The following MYCBP2 variants were observed in gnomAD, a reference collection of about 807,000 sequenced individuals.
MYCBP2 encodes the protein E3 ubiquitin-protein ligase MYCBP2.
A neutral mutation model predicts 525.3 loss-of-function variants in MYCBP2; 120 were observed. The observed-to-expected ratio is 0.23, with a 90% CI of 0.20 to 0.27. MYCBP2 has a LOEUF of 0.27. Among genes scored for constraint, MYCBP2 ranks in the 10% least tolerant of loss-of-function variants. The pLI is 1.00. For missense variants in MYCBP2, 4,149 were observed against 5,657.1 expected (o/e 0.73, Z 8.55); for synonymous variants, 1,894 against 1,955.8 (o/e 0.97, Z 0.83).
At chr13:77,057,569 ATGT>A (rs937054891) in intron 78 of MYCBP2, among the ~76,000 whole-genome samples, 20 of 152,174 alleles carry the variant, frequency 1.3e-4, no homozygotes, top group African/African-American at 4.6e-4. Context: ...CAATTATATA[ATGT>A]TGTAAAAATA....
At chr13:77,293,243 G>A (rs2077687737) in intron 2 of MYCBP2, among the ~76,000 whole-genome samples, 1 of 152,154 alleles carries the variant, frequency 6.6e-6, no homozygotes, top group South Asian at 2.1e-4. Context: ...GAGGTTTGAG[G>A]AGCATGGCAA....
chr13:77,058,544 T>G lies in MYCBP2; in HGVS notation c.13141-138A>C. The stretch of plus-strand genomic sequence containing the variant: ...CAGGCCAAGTAACAACAAAGTAAAG[T>G]TATTTCTAATCTTTGTTTGAATATA... On this transcript the variant is annotated intron_variant, in intron 77 of 82. Transcript: ENST00000544440. This position sits in a 1 kb window ranked among gnomAD's most constrained non-coding sequence, Gnocchi z 4.1. 1 of 638,136 alleles carries G rather than the reference T, an allele frequency of 1.6e-6. No individual in the cohort carries two copies. The highest frequency in any genetic ancestry group is 4.7e-4 in the Middle Eastern group (1 of 2,140). 39.5% of individuals were successfully genotyped at this position (638,136 alleles called of 1,614,324 possible).
chr13:77,128,762 ATTATT>A (rs2052174501), intron 52 of MYCBP2, among the ~76,000 whole-genome samples: 1 of 151,930 alleles, frequency 6.6e-6, no homozygotes, highest in Non-Finnish European at 1.5e-5. Context: ...TTTCAATATT[ATTATT>A]TTCTCCCTCC....
chr13:77,191,834 C>T, intron 27 of MYCBP2, 21 bp from the exon 28 acceptor site: 1 of 1,609,656 alleles, frequency 6.2e-7, no homozygotes, highest in South Asian at 1.1e-5. Context: ...ATTAGTGAGT[C>T]AAAAACAATA....
At chr13:77,069,812 G>A (rs2040856055) in intron 69 of MYCBP2, among the ~76,000 whole-genome samples, 1 of 151,808 alleles carries the variant, frequency 6.6e-6, no homozygotes, top group Admixed American at 6.6e-5. Flanking sequence ...AGCTTGCAGT[G>A]GGCCGAGATC....
chr13:77,268,648 G>A (rs1159368376), intron 7 of MYCBP2, among the ~76,000 whole-genome samples: 1 of 151,822 alleles, frequency 6.6e-6, no homozygotes, highest in Non-Finnish European at 1.5e-5. Context: ...ACGTGGTGGT[G>A]GGCACCTGTA....
chr13:77,073,011 T>C (rs1174789674), intron 68 of MYCBP2, among the ~76,000 whole-genome samples: 1 of 152,208 alleles, frequency 6.6e-6, no homozygotes, highest in African/African-American at 2.4e-5. Flanking sequence ...ATAGTTCACA[T>C]ACCATGCTAT....
chr13:77,229,373 G>T (rs73223412), intron 18 of MYCBP2, among the ~76,000 whole-genome samples: 3,394 of 152,180 alleles, frequency 0.022, 57 homozygotes, highest in Middle Eastern at 0.075. Context: ...GGGTTAAGGG[G>T]TTAAGTAACC....
chr13:77,191,560 A>T (rs953643414), intron 28 of MYCBP2, 119 bp downstream of exon 28: 2 of 1,181,994 alleles, frequency 1.7e-6, no homozygotes, highest in Non-Finnish European at 2.4e-6. Flanking sequence ...TTTAGCAGTT[A>T]TATTATGCTC....
At position 77,326,728 on chromosome 13, in the gene MYCBP2, C is replaced by A. The variant is rs1161164573; in HGVS notation, c.48G>T (p.Gly16=). 1.7e-5 allele frequency: 24 copies of A among 1,410,450 alleles called. No individual in the cohort carries two copies. Among genetic ancestry groups the A allele is most frequent in the Non-Finnish European group, 2.2e-5 (24 of 1,095,610 alleles). The allele number at this position is 1,410,450 out of a possible 1,614,324, so 87.4% of individuals were successfully genotyped here. Residue 16 remains glycine, a synonymous_variant, in exon 1 of 83, where the codon GGG becomes GGT. Transcript: ENST00000544440. This position sits in a 1 kb window ranked among gnomAD's most constrained non-coding sequence, Gnocchi z 4.2. The part of the protein sequence containing the change: ...ATASPAAASS[G]LGGDGFYPAA... ...CTGGGTAGAATCCGTCCCCGCCGAGCCCCGAGGAGGCGGCGGCGGGGGAGG... is the reference window on the plus strand; with the variant it reads ...CTGGGTAGAATCCGTCCCCGCCGAGACCCGAGGAGGCGGCGGCGGGGGAGG...
chr13:77,230,987 A>C (rs917602241), intron 18 of MYCBP2, among the ~76,000 whole-genome samples: 4 of 152,216 alleles, frequency 2.6e-5, no homozygotes, highest in Non-Finnish European at 4.4e-5. Flanking sequence ...GAGATAATTA[A>C]ATGACAAGAC....
At chr13:77,255,326 T>G (rs2071985381) in intron 14 of MYCBP2, among the ~76,000 whole-genome samples, 1 of 151,998 alleles carries the variant, frequency 6.6e-6, no homozygotes, top group African/African-American at 2.4e-5. Context: ...TTTACTCATC[T>G]GCTTTCTAAT....
intron 60 of MYCBP2, 48 bp from the exon 61 acceptor site, chr13:77,089,079 T>A: frequency 7.5e-7 from 1 of 1,330,774 alleles, no homozygotes; most frequent in East Asian, 2.5e-5. Flanking sequence ...AGTGCATATA[T>A]ATTTAAGATA....
intron 48 of MYCBP2, 63 bp downstream of exon 48, chr13:77,146,099 G>A: frequency 9.5e-7 from 1 of 1,056,508 alleles, no homozygotes. Flanking sequence ...AATGCAGGAT[G>A]ATTTTAGTTG....
At chr13:77,118,326 G>T in intron 55 of MYCBP2, 1 of 750,710 alleles carries the variant, frequency 1.3e-6, no homozygotes, top group South Asian at 1.4e-5. Flanking sequence ...GGCAGGTAAG[G>T]CTGACAGACT....
intron 82 of MYCBP2, among the ~76,000 whole-genome samples, chr13:77,049,192 C>G (rs851512): frequency 1.3e-5 from 2 of 152,108 alleles, no homozygotes; most frequent in African/African-American, 4.8e-5. Context: ...CACATCACCC[C>G]CTCCCTCCAA....
chr13:77,125,496 T>C lies in MYCBP2; in HGVS notation c.7885-28A>G. 4 of 1,611,670 alleles carry C rather than the reference T, an allele frequency of 2.5e-6. No homozygotes were observed. In the East Asian group the frequency reaches 8.9e-5, roughly 36 times the overall value. On this transcript the variant is annotated intron_variant, in intron 53 of 82. Transcript: ENST00000544440. ...GGTACATAACAAAAAGCATGATTGATTGGCTTGATTCTTTCAGGGAACTCA... is the reference window on the plus strand; with the variant it reads ...GGTACATAACAAAAAGCATGATTGACTGGCTTGATTCTTTCAGGGAACTCA...
chr13:77,158,508 T>C (rs1356761171), intron 44 of MYCBP2, among the ~76,000 whole-genome samples: 1 of 152,188 alleles, frequency 6.6e-6, no homozygotes, highest in African/African-American at 2.4e-5. Context: ...AGTGGTGCCA[T>C]CATAGCTCAT....
chr13:77,137,311 T>C (rs1477715432), intron 52 of MYCBP2, among the ~76,000 whole-genome samples: 1 of 152,224 alleles, frequency 6.6e-6, no homozygotes, highest in East Asian at 1.9e-4. Flanking sequence ...GTTTATTGAC[T>C]TGCTTTATCT....
Sources: allele counts gnomAD v4.1 joint callset (sites outside exome capture counted in the v4.1 genomes callset), GRCh38; gene constraint gnomAD v4.1.1; non-coding constraint Gnocchi (gnomAD v3.1); transcripts MANE v1.5; gene names NCBI Gene and HGNC (gene_info 2026-07-23, HGNC 2026-07-21).